The following BRD4 variants were observed in gnomAD, a reference collection of about 807,000 sequenced individuals.
The protein encoded by BRD4 is bromodomain containing 4.
In BRD4, 16 loss-of-function variants were observed where a neutral mutation model predicts 142.1. The observed-to-expected ratio is 0.11, with a 90% confidence interval of 0.08 to 0.17. The LOEUF (loss-of-function observed/expected upper bound fraction) is 0.17. Ranked by LOEUF, BRD4 falls within the 10% of genes least tolerant of loss-of-function variation. The probability of loss-of-function intolerance (pLI) is 1.00; values close to 1 mark genes in which losing one functional copy is unlikely to be tolerated. For synonymous variants in BRD4, 833 were observed against 707.5 expected, an observed-to-expected ratio of 1.18 and a Z score of -2.82; for missense variants, 1,424 against 1,810.9, an observed-to-expected ratio of 0.79 and a Z score of 3.88.
intron 1 of BRD4, among the ~76,000 whole-genome samples, chr19:15,289,700 G>A (rs2047767229): frequency 6.6e-6 from 1 of 151,390 alleles, no homozygotes; most frequent in African/African-American, 2.4e-5. Context: ...CAAAACAGCA[G>A]TTACTTTTGC....
chr19:15,254,217 A>C lies in BRD4; in HGVS notation c.2093T>G (p.Phe698Cys), dbSNP rs2047381356. The C allele has an allele frequency of 2.5e-6, 4 of 1,614,114 alleles. No individual in the cohort carries two copies. The highest frequency in any genetic ancestry group is 8.5e-7 in the Non-Finnish European group (1 of 1,180,050). The change falls in exon 11 of 20, where the codon TTC (phenylalanine) becomes TGC (cysteine). Residue 698 changes from phenylalanine (F) to cysteine (C), a missense_variant. Transcript: ENST00000679869. ...VIAGSSKMKG[F>C]SSSESESSSE... ...GGAGCTCTCCGACTCTGAGGACGAG[A>C]AGCCCTTCATCTTGGAGGAGCCGGC...
At chr19:15,330,412 T>A (rs538108803) in intron 1 of BRD4, among the ~76,000 whole-genome samples, 3 of 152,118 alleles carry the variant, frequency 2.0e-5, no homozygotes, top group Admixed American at 6.6e-5. Context: ...GCATCAGTGA[T>A]AAGATAAAAA....
intron 1 of BRD4, among the ~76,000 whole-genome samples, chr19:15,304,437 T>C (rs543070291): frequency 2.0e-5 from 3 of 152,296 alleles, no homozygotes; most frequent in African/African-American, 7.2e-5. Context: ...ATGCTTTCAT[T>C]TCTATAATAA....
In BRD4 at chr19:15,243,427, G is replaced by C; in HGVS notation, c.2642C>G (p.Pro881Arg). Reference sequence around the variant, plus strand: ...GGCTGGGGGCCGGGCGGGCTTGGGAGGCAGGGCAGCGGCTCGGTTGCTGGG... The same window carrying C: ...GGCTGGGGGCCGGGCGGGCTTGGGACGCAGGGCAGCGGCTCGGTTGCTGGG... ...SRPSNRAAALPPKPARPPAVS... is the reference protein window; with the variant it reads ...SRPSNRAAALRPKPARPPAVS... The change falls in exon 14 of 20, where the codon CCT (proline) becomes CGT (arginine). Residue 881 changes from proline to arginine, a missense_variant. Pro to Arg is a moderately radical substitution (Grantham distance 103). This residue lies in a region of BRD4 where 598 missense variants were observed against 647.8 expected (regional missense o/e 0.92). Coordinates refer to ENST00000679869, the MANE Select transcript of BRD4 (RefSeq NM_001379291.1). The C allele has an allele frequency of 6.3e-7, 1 of 1,577,188 alleles. No individual in the cohort carries two copies. The highest frequency in any genetic ancestry group is 8.6e-7 in the Non-Finnish European group (1 of 1,164,134).
intron 1 of BRD4, among the ~76,000 whole-genome samples, chr19:15,311,918 G>A (rs914011281): frequency 2.0e-5 from 3 of 152,206 alleles, no homozygotes; most frequent in Non-Finnish European, 4.4e-5. Flanking sequence ...GCTGCCACAG[G>A]CTGGGAGAAA....
intron 7 of BRD4, among the ~76,000 whole-genome samples, chr19:15,261,858 G>C (rs1438262559): frequency 6.6e-6 from 1 of 152,100 alleles, no homozygotes; most frequent in Non-Finnish European, 1.5e-5. Flanking sequence ...AGCAGGTTGA[G>C]GCTACAGTAA....
intron 1 of BRD4, among the ~76,000 whole-genome samples, chr19:15,309,949 C>T (rs1442167063): frequency 6.6e-6 from 1 of 152,120 alleles, no homozygotes; most frequent in Non-Finnish European, 1.5e-5. Context: ...ACCGGGGGCT[C>T]CTCTCACCTG....
At position 15,238,251 on chromosome 19, in the gene BRD4, A is replaced by C; in HGVS notation, c.*126T>G. The C allele has an allele frequency of 6.8e-7, 1 of 1,473,220 alleles. No homozygotes were observed. The highest frequency in any genetic ancestry group is 9.2e-7 in the Non-Finnish European group (1 of 1,089,066). The allele number at this position is 1,473,220 out of a possible 1,614,324, so 91.3% of individuals were successfully genotyped here. On this transcript the variant is annotated 3_prime_UTR_variant, in exon 20 of 20. Coordinates refer to ENST00000679869, the MANE Select transcript of BRD4 (RefSeq NM_001379291.1). This position sits in a 1 kb window ranked among gnomAD's most constrained non-coding sequence, Gnocchi z 7.2. ...TGCCCGTCAGGCCTGCCCCGGGCAT[A>C]GCATGCAGGAGGGCCAGGCCCTGAG...
At chr19:15,307,682 G>A (rs890037778) in intron 1 of BRD4, among the ~76,000 whole-genome samples, 1 of 152,146 alleles carries the variant, frequency 6.6e-6, no homozygotes, top group African/African-American at 2.4e-5. Context: ...TTGAGAGGCT[G>A]AGGAGGGAAG....
chr19:15,238,448 G>A lies in BRD4; in HGVS notation c.4021-3C>T. The stretch of plus-strand genomic sequence containing the variant: ...TTCATGTCAATGGTAGCTGCCATCT[G>A]GAGGAGAAAGGAAGGAGGGAGTCAG... On this transcript the variant is annotated splice_region_variant and splice_polypyrimidine_tract_variant and intron_variant, in intron 19 of 19. Transcript: ENST00000679869. This position sits in a 1 kb window ranked among gnomAD's most constrained non-coding sequence, Gnocchi z 7.2. 1 of 1,614,088 alleles carries A rather than the reference G, an allele frequency of 6.2e-7. No homozygotes were observed. Among genetic ancestry groups the A allele is most frequent in the Admixed American group, 1.7e-5 (1 of 60,020 alleles).
At chr19:15,313,936 A>AC (rs2047995708) in intron 1 of BRD4, among the ~76,000 whole-genome samples, 1 of 151,870 alleles carries the variant, frequency 6.6e-6, no homozygotes, top group African/African-American at 2.4e-5. Flanking sequence ...TGCCGGAAAA[A>AC]CTCCATGATG....
At chr19:15,321,811 C>T (rs2144994243) in intron 1 of BRD4, among the ~76,000 whole-genome samples, 1 of 152,288 alleles carries the variant, frequency 6.6e-6, no homozygotes, top group East Asian at 1.9e-4. Flanking sequence ...CTACATACTT[C>T]TTGTTTCACC....
intron 1 of BRD4, among the ~76,000 whole-genome samples, chr19:15,313,344 G>T (rs1237664344): frequency 7.1e-6 from 1 of 140,796 alleles, no homozygotes; most frequent in Non-Finnish European, 1.5e-5. Context: ...CTTCACTCCA[G>T]CCTGGGCAAC....
At chr19:15,321,386 A>G (rs1368285802) in intron 1 of BRD4, among the ~76,000 whole-genome samples, 1 of 151,376 alleles carries the variant, frequency 6.6e-6, no homozygotes, top group South Asian at 2.1e-4. Flanking sequence ...TGCTGGAGCT[A>G]CCACTTGGGT....
chr19:15,292,777 C>CAAAAAAAAAAAAAAAAAAA (rs57341445), intron 1 of BRD4, among the ~76,000 whole-genome samples: 27 of 57,256 alleles, frequency 4.7e-4, no homozygotes, highest in Non-Finnish European at 6.2e-4. Context: ...GACTCCGTCT[C>CAAAAAAAAAAAAAAAAAAA]AAAAAAAAAA....
chr19:15,330,154 T>C (rs1156930772), intron 1 of BRD4, among the ~76,000 whole-genome samples: 3 of 152,372 alleles, frequency 2.0e-5, no homozygotes, highest in East Asian at 3.9e-4. Flanking sequence ...GCTAGCAAGA[T>C]ACTCGGAGGT....
chr19:15,319,352 C>G (rs1259194099), intron 1 of BRD4, among the ~76,000 whole-genome samples: 1 of 152,094 alleles, frequency 6.6e-6, no homozygotes, highest in Non-Finnish European at 1.5e-5. Flanking sequence ...GTAGTCCCAG[C>G]TACCTGGGAG....
At chr19:15,278,543 C>CAAAAA (rs1235423521) in intron 1 of BRD4, among the ~76,000 whole-genome samples, 2 of 74,888 alleles carry the variant, frequency 2.7e-5, no homozygotes, top group Non-Finnish European at 4.8e-5. Context: ...CAACCCCCGC[C>CAAAAA]AAAAAAAAAA....
At chr19:15,263,602 A>C in intron 6 of BRD4, 54 bp from the exon 7 acceptor site, 5 of 1,603,028 alleles carry the variant, frequency 3.1e-6, no homozygotes, top group Non-Finnish European at 4.3e-6. Context: ...GACCATGGAG[A>C]AGTGGCTGGC....
Sources: gnomAD v4.1 joint callset for allele counts (sites outside exome capture counted in the v4.1 genomes callset) on GRCh38, gnomAD v4.1.1 for gene constraint, gnomAD v4.1.1 regional missense constraint, Gnocchi (gnomAD v3.1) non-coding constraint, MANE v1.5 for transcripts, NCBI Gene and HGNC (gene_info 2026-07-23, HGNC 2026-07-21) for gene names.